Variants in SLC2A13 observed in about 807,000 individuals in gnomAD.
SLC2A13 encodes solute carrier family 2 member 13.
Under a neutral mutation model 64.4 loss-of-function variants are expected in SLC2A13, and 32 were observed. The observed-to-expected ratio is 0.50, with a 90% confidence interval of 0.37 to 0.67. The LOEUF (loss-of-function observed/expected upper bound fraction) is 0.67. Ranked by LOEUF, SLC2A13 falls within the 30% of genes least tolerant of loss-of-function variation. The probability of loss-of-function intolerance (pLI) is 0.00; values close to 1 mark genes in which losing one functional copy is unlikely to be tolerated. For missense variants in SLC2A13, 743 were observed against 829.2 expected, an observed-to-expected ratio of 0.90 and a Z score of 1.28; for synonymous variants, 338 against 327.1, an observed-to-expected ratio of 1.03 and a Z score of -0.36.
chr12:39,800,233 A>T (rs932025375), intron 7 of SLC2A13, among the ~76,000 whole-genome samples: 53 of 152,318 alleles, frequency 3.5e-4, no homozygotes, highest in Non-Finnish European at 5.6e-4. Flanking sequence ...AAACAGAAAA[A>T]ATAATTTGTG....
Position 39,759,807 on chromosome 12 carries a change from G to A in SLC2A13, c.*219C>T. 1.9e-6 allele frequency: 1 copy of A among 515,278 alleles called. No individual in the cohort carries two copies. The highest frequency in any genetic ancestry group is 2.7e-5 in the South Asian group (1 of 37,618). 31.9% of individuals were successfully genotyped at this position (515,278 alleles called of 1,614,324 possible). Reference sequence around the variant, plus strand: ...ACACACATTTGCTTAAGAATTATTAGATTAAAATCTCTGTAAATATTTTTT... The same window carrying A: ...ACACACATTTGCTTAAGAATTATTAAATTAAAATCTCTGTAAATATTTTTT... On this transcript the variant is annotated 3_prime_UTR_variant, in exon 10 of 10. Transcript: ENST00000280871.
chr12:39,939,127 G>A (rs944926230), intron 4 of SLC2A13, among the ~76,000 whole-genome samples: 1 of 152,140 alleles, frequency 6.6e-6, no homozygotes, highest in Non-Finnish European at 1.5e-5. Context: ...GACATAGCCT[G>A]CTTACCAATG....
chr12:39,917,287 T>G (rs1039525376), intron 4 of SLC2A13, among the ~76,000 whole-genome samples: 17 of 152,080 alleles, frequency 1.1e-4, no homozygotes, highest in African/African-American at 3.4e-4. Context: ...AGGAACAACA[T>G]TTATTCAGAA....
At chr12:40,040,106 C>T (rs541277686) in intron 2 of SLC2A13, among the ~76,000 whole-genome samples, 31 of 152,236 alleles carry the variant, frequency 2.0e-4, no homozygotes, top group African/African-American at 6.5e-4. Flanking sequence ...ATTTTTATTG[C>T]CAGCTTAAAT....
chr12:39,932,459 T>C lies in SLC2A13; in HGVS notation c.1034+18798A>G, dbSNP rs1321171521. ...AACATCTGGTTACAAAAAAGGGAAA[T>C]AGATGAAGCAGTTGTCTGCGTTTCT... On this transcript the variant is annotated intron_variant, in intron 4 of 9. Transcript: ENST00000280871. Among the ~76,000 whole-genome samples, 7 of 152,064 alleles carry C rather than the reference T, an allele frequency of 4.6e-5. No individual in the cohort carries two copies. The East Asian group carries it at 5.8e-4, about 13-fold the overall frequency.
At chr12:40,062,080 G>A (rs1948432673) in intron 1 of SLC2A13, among the ~76,000 whole-genome samples, 1 of 152,040 alleles carries the variant, frequency 6.6e-6, no homozygotes, top group Non-Finnish European at 1.5e-5. Flanking sequence ...TTAATAAATG[G>A]TGGTGAGACA....
intron 4 of SLC2A13, among the ~76,000 whole-genome samples, chr12:39,936,312 GA>G (rs1347477910): frequency 6.6e-6 from 1 of 152,160 alleles, no homozygotes. Flanking sequence ...GTGGATGCTT[GA>G]ACTAGAAGTA....
chr12:39,769,738 C>T (rs1940494019), intron 7 of SLC2A13, among the ~76,000 whole-genome samples: 1 of 151,896 alleles, frequency 6.6e-6, no homozygotes. Flanking sequence ...TACACAAGAT[C>T]TCTCTTACTC....
intron 2 of SLC2A13, among the ~76,000 whole-genome samples, chr12:40,042,305 C>T (rs7306944): frequency 0.88 from 133,326 of 152,136 alleles, 58,559 homozygotes; most frequent in East Asian, 0.95. Flanking sequence ...AAATTTAGCC[C>T]CTCTGTATAT....
intron 7 of SLC2A13, among the ~76,000 whole-genome samples, chr12:39,822,431 T>C (rs190303425): frequency 3.0e-4 from 46 of 152,326 alleles, no homozygotes; most frequent in African/African-American, 8.2e-4. Context: ...TAAGGCTCTT[T>C]AACCATCTGA....
chr12:40,104,359 C>G (rs1193453932), intron 1 of SLC2A13, among the ~76,000 whole-genome samples: 1 of 152,106 alleles, frequency 6.6e-6, no homozygotes, highest in Non-Finnish European at 1.5e-5. Flanking sequence ...AAAAACTTGC[C>G]AATTGTACCT....
At chr12:39,776,413 A>G (rs1420569881) in intron 7 of SLC2A13, among the ~76,000 whole-genome samples, 1 of 152,228 alleles carries the variant, frequency 6.6e-6, no homozygotes, top group Non-Finnish European at 1.5e-5. Flanking sequence ...AAGGCCACCA[A>G]CAGCCTGCCC....
At chr12:40,066,361 G>C (rs1937726176) in intron 1 of SLC2A13, among the ~76,000 whole-genome samples, 1 of 152,164 alleles carries the variant, frequency 6.6e-6, no homozygotes, top group African/African-American at 2.4e-5. Flanking sequence ...AAGGAAAATT[G>C]AGTAGTACAT....
intron 3 of SLC2A13, among the ~76,000 whole-genome samples, chr12:39,968,544 T>C (rs921375471): frequency 2.0e-5 from 3 of 151,954 alleles, no homozygotes; most frequent in African/African-American, 7.3e-5. Context: ...ACCCCATCTA[T>C]GTTGAACATG....
intron 2 of SLC2A13, among the ~76,000 whole-genome samples, chr12:40,036,496 A>G (rs1299261126): frequency 6.6e-6 from 1 of 152,154 alleles, no homozygotes; most frequent in Non-Finnish European, 1.5e-5. Flanking sequence ...GCCGTAGACA[A>G]CCACTGATCA....
intron 4 of SLC2A13, among the ~76,000 whole-genome samples, chr12:39,929,547 T>A (rs1392947623): frequency 1.4e-5 from 2 of 147,884 alleles, no homozygotes; most frequent in African/African-American, 5.0e-5. Flanking sequence ...TGAGAGTCCA[T>A]CTCAAAAAAA....
chr12:39,909,202 C>CTGT (rs1159320427), intron 4 of SLC2A13, among the ~76,000 whole-genome samples: 1 of 151,974 alleles, frequency 6.6e-6, no homozygotes, highest in Non-Finnish European at 1.5e-5. Flanking sequence ...CTATTATACA[C>CTGT]TGTTGTGAGG....
intron 7 of SLC2A13, among the ~76,000 whole-genome samples, chr12:39,765,624 C>CA (rs1352478535): frequency 6.6e-6 from 1 of 152,098 alleles, no homozygotes; most frequent in Non-Finnish European, 1.5e-5. Flanking sequence ...ATGAACTCAT[C>CA]ATAACATTCC....
At chr12:39,797,011 T>G (rs1426829691) in intron 7 of SLC2A13, among the ~76,000 whole-genome samples, 2 of 152,166 alleles carry the variant, frequency 1.3e-5, no homozygotes, top group Non-Finnish European at 2.9e-5. Flanking sequence ...TGTAAAAGAG[T>G]GTTTTTTGGT....
Sources: gnomAD v4.1 joint callset for allele counts (sites outside exome capture counted in the v4.1 genomes callset) on GRCh38, gnomAD v4.1.1 for gene constraint, MANE v1.5 for transcripts, NCBI Gene and HGNC (gene_info 2026-07-23, HGNC 2026-07-21) for gene names.